The following MTSS1 variants were observed in gnomAD, a reference collection of about 807,000 sequenced individuals.
The protein encoded by MTSS1 is MTSS I-BAR domain containing 1.
MTSS1 carries 18 observed loss-of-function variants against 79.0 expected under a neutral mutation model. That is an observed-to-expected ratio of 0.23 (90% CI 0.16 to 0.34). The LOEUF (loss-of-function observed/expected upper bound fraction) is 0.34, where lower values mean the gene tolerates loss of function less well. MTSS1 is among the 10% of genes least tolerant of loss of function. The pLI, the probability that MTSS1 is intolerant of heterozygous loss-of-function variation, is 1.00. For missense variants in MTSS1, 815 were observed against 986.2 expected, an observed-to-expected ratio of 0.83 and a Z score of 2.33; for synonymous variants, 341 against 368.6, an observed-to-expected ratio of 0.93 and a Z score of 0.86.
At chr8:124,710,569 C>A (rs1016009601) in intron 1 of MTSS1, among the ~76,000 whole-genome samples, 1 of 152,238 alleles carries the variant, frequency 6.6e-6, no homozygotes, top group Non-Finnish European at 1.5e-5. Context: ...TTGCCTAACA[C>A]AAAGCAAGGC....
chr8:124,681,341 G>A (rs980727067), intron 3 of MTSS1, among the ~76,000 whole-genome samples: 7 of 152,118 alleles, frequency 4.6e-5, no homozygotes, highest in Non-Finnish European at 8.8e-5. Context: ...AGCAGCAAAG[G>A]TTCTGCTTCT....
chr8:124,679,059 G>C (rs983451415), intron 3 of MTSS1, among the ~76,000 whole-genome samples: 2 of 152,212 alleles, frequency 1.3e-5, no homozygotes, highest in African/African-American at 2.4e-5. Context: ...CTATTCAGAA[G>C]TTCTCTGGTC....
intron 5 of MTSS1, among the ~76,000 whole-genome samples, chr8:124,585,432 T>C (rs1830693746): frequency 6.8e-6 from 1 of 147,666 alleles, no homozygotes; most frequent in Non-Finnish European, 1.5e-5. Context: ...TTTTTTTTTT[T>C]AAGACAGAGT....
intron 3 of MTSS1, among the ~76,000 whole-genome samples, chr8:124,595,156 C>T (rs950555533): frequency 2.6e-5 from 4 of 151,980 alleles, no homozygotes; most frequent in Admixed American, 2.0e-4. Context: ...TTAATCCCCA[C>T]ATACTTGTTT....
intron 3 of MTSS1, among the ~76,000 whole-genome samples, chr8:124,652,928 G>T (rs919407391): frequency 6.6e-6 from 1 of 152,178 alleles, no homozygotes; most frequent in Admixed American, 6.5e-5. Context: ...CCCGTGAAAG[G>T]TTATCATCAC....
chr8:124,661,245 C>T (rs558505727), intron 3 of MTSS1, among the ~76,000 whole-genome samples: 1 of 151,918 alleles, frequency 6.6e-6, no homozygotes, highest in African/African-American at 2.4e-5. Context: ...AAAGTAAAAA[C>T]CTTAGGAAAA....
intron 3 of MTSS1, among the ~76,000 whole-genome samples, chr8:124,655,955 G>C (rs964560518): frequency 1.3e-5 from 2 of 152,192 alleles, no homozygotes; most frequent in African/African-American, 4.8e-5. Context: ...ACGCTGAAAT[G>C]CTCAAAGAAG....
chr8:124,643,218 T>C (rs1818380175), intron 3 of MTSS1, among the ~76,000 whole-genome samples: 1 of 152,090 alleles, frequency 6.6e-6, no homozygotes, highest in Non-Finnish European at 1.5e-5. Flanking sequence ...ACATGAGGAC[T>C]CCATCCTAGG....
chr8:124,608,503 C>T (rs1432617973), intron 3 of MTSS1, among the ~76,000 whole-genome samples: 1 of 152,188 alleles, frequency 6.6e-6, no homozygotes, highest in Non-Finnish European at 1.5e-5. Context: ...TCTGGTTTAT[C>T]GCCACTGTAT....
Position 124,553,172 on chromosome 8 carries a change from T to A in MTSS1, c.2088A>T (p.Glu696Asp). 2 of 1,614,160 alleles carry A rather than the reference T, an allele frequency of 1.2e-6. No individual in the cohort carries two copies. Among genetic ancestry groups the A allele is most frequent in the Non-Finnish European group, 1.7e-6 (2 of 1,180,028 alleles). Residue 696 changes from glutamate (E) to aspartate (D), a missense_variant, in exon 14 of 14, where the codon GAA (glutamate) becomes GAT (aspartate). Glu to Asp is a conservative substitution (Grantham distance 45, BLOSUM62 2). Coordinates refer to ENST00000518547, the MANE Select transcript of MTSS1 (RefSeq NM_014751.6). The surrounding 1 kb of genome is among the most constrained non-coding windows in gnomAD (Gnocchi z 6.0). ...CACTTGGGGGTTCCCGTTCCTGGTCTTCAGCTTCACTTTCTGGAATTGCCT... is the reference window on the plus strand; with the variant it reads ...CACTTGGGGGTTCCCGTTCCTGGTCATCAGCTTCACTTTCTGGAATTGCCT... ...HRQAIPESEA[E>D]DQEREPPSAT...
chr8:124,595,001 C>A (rs139021968), intron 3 of MTSS1, among the ~76,000 whole-genome samples: 9 of 152,162 alleles, frequency 5.9e-5, no homozygotes, highest in Admixed American at 1.3e-4. Context: ...CACACAGCAG[C>A]TTGAGTGAAG....
chr8:124,615,066 A>C (rs1478804313), intron 3 of MTSS1, among the ~76,000 whole-genome samples: 3 of 152,172 alleles, frequency 2.0e-5, no homozygotes, highest in Non-Finnish European at 4.4e-5. Context: ...TGAACAGAAG[A>C]GCACGTGCAA....
At chr8:124,558,852 A>C in intron 10 of MTSS1, 1 of 1,537,734 alleles carries the variant, frequency 6.5e-7, no homozygotes, top group East Asian at 2.4e-5. Context: ...GGGAGGGGCC[A>C]CACGAGGGGA....
chr8:124,625,167 G>C (rs1814416476), intron 3 of MTSS1, among the ~76,000 whole-genome samples: 1 of 152,202 alleles, frequency 6.6e-6, no homozygotes, highest in South Asian at 2.1e-4. Flanking sequence ...GCCAGGATCA[G>C]ATTCGTGTCC....
At chr8:124,664,063 CAGG>C (rs1215316361) in intron 3 of MTSS1, among the ~76,000 whole-genome samples, 1 of 152,174 alleles carries the variant, frequency 6.6e-6, no homozygotes, top group Non-Finnish European at 1.5e-5. Flanking sequence ...GACACTTCAG[CAGG>C]AGAAGCAGGT....
chr8:124,605,784 CA>C (rs929591048), intron 3 of MTSS1, among the ~76,000 whole-genome samples: 1 of 152,138 alleles, frequency 6.6e-6, no homozygotes, highest in Non-Finnish European at 1.5e-5. Flanking sequence ...CAAACTATGC[CA>C]GAATATAGCG....
intron 6 of MTSS1, among the ~76,000 whole-genome samples, chr8:124,578,539 A>T (rs1013248048): frequency 6.6e-6 from 1 of 152,024 alleles, no homozygotes; most frequent in Non-Finnish European, 1.5e-5. Context: ...TCACACCTGT[A>T]ATCCCAGCAC....
At chr8:124,721,502 C>T (rs183889994) in intron 1 of MTSS1, among the ~76,000 whole-genome samples, 320 of 151,174 alleles carry the variant, frequency 2.1e-3, no homozygotes, top group African/African-American at 7.6e-3. Context: ...CTCTGCCTCC[C>T]GGGTTCAAGC....
intron 3 of MTSS1, among the ~76,000 whole-genome samples, chr8:124,656,827 G>A (rs1370755975): frequency 6.7e-6 from 1 of 149,558 alleles, no homozygotes; most frequent in Non-Finnish European, 1.5e-5. Flanking sequence ...AAAAAAAAAT[G>A]GAGTTGCTCC....
Sources: gnomAD v4.1 joint callset for allele counts (sites outside exome capture counted in the v4.1 genomes callset) on GRCh38, gnomAD v4.1.1 for gene constraint, Gnocchi (gnomAD v3.1) non-coding constraint, MANE v1.5 for transcripts, NCBI Gene and HGNC (gene_info 2026-07-23, HGNC 2026-07-21) for gene names.